Variants in GRIP1 observed in about 807,000 individuals in gnomAD.
The protein encoded by GRIP1 is glutamate receptor-interacting protein 1.
A neutral mutation model predicts 129.9 loss-of-function variants in GRIP1; 45 were observed. The observed-to-expected ratio is 0.35, with a 90% CI of 0.27 to 0.44. GRIP1 has a LOEUF of 0.44. Among genes scored for constraint, GRIP1 ranks in the 20% least tolerant of loss-of-function variants. GRIP1 has a pLI of 1.00. For synonymous variants in GRIP1, 530 were observed against 520.8 expected, an observed-to-expected ratio of 1.02 and a Z score of -0.24; for missense variants, 1,196 against 1,396.8, an observed-to-expected ratio of 0.86 and a Z score of 2.29.
intron 1 of GRIP1, among the ~76,000 whole-genome samples, chr12:66,642,174 C>T (rs939369318): frequency 6.6e-6 from 1 of 152,124 alleles, no homozygotes; most frequent in Non-Finnish European, 1.5e-5. Flanking sequence ...ACAGGAACAA[C>T]TAAACCAGAC....
intron 4 of GRIP1, among the ~76,000 whole-genome samples, chr12:66,534,488 G>A (rs2061550936): frequency 6.6e-6 from 1 of 152,036 alleles, no homozygotes; most frequent in Non-Finnish European, 1.5e-5. Context: ...TCCTTTAAGG[G>A]CTCCTCACGG....
intron 2 of GRIP1, among the ~76,000 whole-genome samples, chr12:66,570,575 C>T (rs1191069893): frequency 2.0e-5 from 3 of 152,118 alleles, no homozygotes; most frequent in African/African-American, 7.2e-5. Flanking sequence ...CCCTGTCACA[C>T]TTGTATGGCC....
intron 1 of GRIP1, among the ~76,000 whole-genome samples, chr12:66,952,032 T>C (rs770013328): frequency 7.9e-5 from 12 of 151,988 alleles, no homozygotes; most frequent in Non-Finnish European, 1.8e-4. Flanking sequence ...AAATTGATGA[T>C]AGATTGAGGC....
chr12:66,960,477 T>G (rs538492794), intron 1 of GRIP1, among the ~76,000 whole-genome samples: 1 of 152,296 alleles, frequency 6.6e-6, no homozygotes, highest in South Asian at 2.1e-4. Flanking sequence ...TTGGACTTTT[T>G]TTTAGCTTTG....
chr12:66,624,679 T>C (rs920974779), intron 1 of GRIP1, among the ~76,000 whole-genome samples: 1 of 152,136 alleles, frequency 6.6e-6, no homozygotes, highest in Non-Finnish European at 1.5e-5. Context: ...TTTAAATATA[T>C]CTCTAAGGAA....
intron 1 of GRIP1, among the ~76,000 whole-genome samples, chr12:66,815,953 G>T (rs1444453769): frequency 1.3e-5 from 2 of 151,536 alleles, no homozygotes; most frequent in African/African-American, 2.4e-5. Flanking sequence ...GGTCATCCAG[G>T]GATCTGGGTT....
intron 8 of GRIP1, among the ~76,000 whole-genome samples, chr12:66,463,684 A>C (rs1381751071): frequency 6.6e-6 from 1 of 152,200 alleles, no homozygotes; most frequent in East Asian, 1.9e-4. Context: ...GAAATTATGC[A>C]GGAGTCAAGT....
intron 13 of GRIP1, among the ~76,000 whole-genome samples, chr12:66,434,637 T>C (rs985243091): frequency 6.6e-6 from 1 of 152,220 alleles, no homozygotes; most frequent in Non-Finnish European, 1.5e-5. Flanking sequence ...GTCATAAATA[T>C]TTCCTTACAA....
intron 7 of GRIP1, among the ~76,000 whole-genome samples, chr12:66,478,582 T>C (rs1275265270): frequency 3.9e-5 from 6 of 152,292 alleles, no homozygotes; most frequent in Non-Finnish European, 8.8e-5. Context: ...TGCACACGTA[T>C]GTTTATTGCG....
chr12:66,398,857 T>A (rs1216672925), intron 16 of GRIP1, among the ~76,000 whole-genome samples: 1 of 151,978 alleles, frequency 6.6e-6, no homozygotes, highest in Non-Finnish European at 1.5e-5. Context: ...AGCATATGCC[T>A]TTCACTCTAT....
chr12:67,017,242 T>A (rs1488529007), intron 1 of GRIP1, among the ~76,000 whole-genome samples: 2 of 151,854 alleles, frequency 1.3e-5, no homozygotes, highest in African/African-American at 2.4e-5. Flanking sequence ...GAGAGACTCA[T>A]GAATAGTTAT....
intron 1 of GRIP1, among the ~76,000 whole-genome samples, chr12:66,710,101 CT>C (rs2035666055): frequency 6.6e-6 from 1 of 151,866 alleles, no homozygotes; most frequent in South Asian, 2.1e-4. Context: ...TGAAGTTCCT[CT>C]TTTTTTCTGC....
intron 1 of GRIP1, among the ~76,000 whole-genome samples, chr12:66,614,071 A>G (rs544694287): frequency 2.6e-5 from 4 of 151,824 alleles, no homozygotes; most frequent in African/African-American, 7.3e-5. Flanking sequence ...CACCTTCTCA[A>G]CCTCTGTTGG....
At chr12:66,654,222 A>C (rs1722059705) in intron 1 of GRIP1, among the ~76,000 whole-genome samples, 3 of 152,248 alleles carry the variant, frequency 2.0e-5, no homozygotes, top group Admixed American at 2.0e-4. Flanking sequence ...TCTTAAAGAA[A>C]AAAAAATCAC....
chr12:66,503,098 C>A (rs1493483), intron 7 of GRIP1, among the ~76,000 whole-genome samples: 2 of 151,868 alleles, frequency 1.3e-5, no homozygotes, highest in Non-Finnish European at 2.9e-5. Flanking sequence ...AATCTCCTGA[C>A]GGTCCACAGC....
chr12:66,771,404 AAC>A (rs1044684206), intron 1 of GRIP1, among the ~76,000 whole-genome samples: 3 of 152,232 alleles, frequency 2.0e-5, no homozygotes, highest in Non-Finnish European at 4.4e-5. Context: ...GCACAGACAC[AAC>A]ACACACATAG....
chr12:67,035,561 C>T (rs2043083024), intron 1 of GRIP1: 1 of 152,146 alleles, frequency 6.6e-6, no homozygotes, highest in African/African-American at 2.4e-5. Context: ...ATGATGAACA[C>T]AGCTGCATTT....
At chr12:66,565,298 G>T (rs2062708517) in intron 2 of GRIP1, among the ~76,000 whole-genome samples, 1 of 152,128 alleles carries the variant, frequency 6.6e-6, no homozygotes. Context: ...ATTAATTTTT[G>T]TATAAGGTGT....
At chr12:66,538,417 A>C (rs1186562498) in intron 4 of GRIP1, among the ~76,000 whole-genome samples, 1 of 151,450 alleles carries the variant, frequency 6.6e-6, no homozygotes, top group Non-Finnish European at 1.5e-5. Flanking sequence ...GCTGGTCTTC[A>C]ACTCCTGGCT....
Sources: gnomAD v4.1 joint callset for allele counts (sites outside exome capture counted in the v4.1 genomes callset) on GRCh38, gnomAD v4.1.1 for gene constraint, MANE v1.5 for transcripts, NCBI Gene and HGNC (gene_info 2026-07-23, HGNC 2026-07-21) for gene names.